NSD1: variants seen among roughly 807,000 people sequenced by gnomAD.
The protein encoded by NSD1 is nuclear receptor binding SET domain protein 1.
A neutral mutation model predicts 242.7 loss-of-function variants in NSD1; 26 were observed. The ratio of observed to expected loss-of-function variants is 0.11; its 90% confidence interval spans 0.08 to 0.15. The LOEUF is 0.15. NSD1 is among the 10% of genes least tolerant of loss of function. The pLI, the probability that NSD1 is intolerant of heterozygous loss-of-function variation, is 1.00. For synonymous variants in NSD1, 1,106 were observed against 1,178.1 expected, an observed-to-expected ratio of 0.94 and a Z score of 1.25; for missense variants, 2,495 against 3,272.8, an observed-to-expected ratio of 0.76 and a Z score of 5.80.
At position 177,135,827 on chromosome 5, in the gene NSD1, A is replaced by G. The variant is rs753643219; in HGVS notation, c.724A>G (p.Asn242Asp). Residue 242 changes from asparagine to aspartate, a missense_variant, in exon 2 of 23, where the codon AAT becomes GAT. Asn to Asp is a conservative substitution (Grantham distance 23). This residue lies in a region of NSD1 where 376 missense variants were observed against 367.4 expected (regional missense o/e 1.02). Transcript: ENST00000439151. ...TGAAACACAGAAAAATAAGCAAAGA[A>G]ATGAAGTGGACGGCAGCAATGAAAA... The part of the protein sequence containing the change: ...QTETQKNKQR[N>D]EVDGSNEKAA... The G allele has an allele frequency of 1.2e-6, 2 of 1,607,612 alleles. No homozygotes were observed. The highest frequency in any genetic ancestry group is 1.1e-5 in the South Asian group (1 of 90,650).
chr5:177,249,568 G>GCCATTCTCCTGCCTCAGCCTC (rs201214714), intron 11 of NSD1, among the ~76,000 whole-genome samples: 3 of 152,050 alleles, frequency 2.0e-5, no homozygotes, highest in Non-Finnish European at 4.4e-5. Context: ...CTGGGTTCAC[G>GCCATTCTCCTGCCTCAGCCTC]CCATTCTCCT....
chr5:177,236,706 A>G (rs1439504963), intron 6 of NSD1, among the ~76,000 whole-genome samples: 1 of 152,268 alleles, frequency 6.6e-6, no homozygotes, highest in Non-Finnish European at 1.5e-5. Flanking sequence ...CAAATGGAAG[A>G]TAGAACCTAT....
rs922476620 is a variant in NSD1 at position 177,299,080 on chromosome 5, CAGTT to C, written c.*3626_*3629del. 1.7e-5 allele frequency: 4 copies of C among 233,014 alleles called. No individual in the cohort carries two copies. Among genetic ancestry groups the C allele is most frequent in the East Asian group, 6.0e-5 (1 of 16,590 alleles). 14.4% of individuals were successfully genotyped at this position (233,014 alleles called of 1,614,324 possible). A position where few individuals can be genotyped will look rare whatever the true frequency, so the allele number is the denominator to read the frequency against. ...GTGGGAGCCTGTCATTGGCTATGGC[CAGTT>C]AGTTCTCAGCTGAGCTTCCTAGGGC... On this transcript the variant is annotated 3_prime_UTR_variant, in exon 23 of 23. Transcript: ENST00000439151.
Position 177,191,907 on chromosome 5 carries a change from G to T in NSD1, c.951G>T (p.Thr317=). 6.2e-7 allele frequency: 1 copy of T among 1,614,016 alleles called. No individual in the cohort carries two copies. Among genetic ancestry groups the T allele is most frequent in the Non-Finnish European group, 8.5e-7 (1 of 1,179,968 alleles). Residue 317 remains threonine (T), a synonymous_variant, in exon 3 of 23, where the codon ACG becomes ACT. Transcript: ENST00000439151. ...LPFCQPKKKS[T]PLKYEVGDLI... is the part of the protein sequence containing the mutation. ...AGTGTCAACCTAAGAAAAAGTCTACGCCACTGAAGTATGAAGTTGGAGATC... is the reference window on the plus strand; with the variant it reads ...AGTGTCAACCTAAGAAAAAGTCTACTCCACTGAAGTATGAAGTTGGAGATC...
intron 2 of NSD1, among the ~76,000 whole-genome samples, chr5:177,182,913 C>T (rs1001665626): frequency 4.6e-5 from 7 of 152,178 alleles, no homozygotes; most frequent in African/African-American, 7.2e-5. Flanking sequence ...GCTGGCATTA[C>T]AGGCGTGAGC....
At chr5:177,290,408 A>T (rs117301677) in intron 21 of NSD1, among the ~76,000 whole-genome samples, 8 of 139,334 alleles carry the variant, frequency 5.7e-5, no homozygotes, top group South Asian at 2.3e-4. Context: ...GAGTAAATAA[A>T]TTTTTTTTTT....
At chr5:177,225,855 C>G (rs1274418095) in intron 5 of NSD1, among the ~76,000 whole-genome samples, 1 of 151,964 alleles carries the variant, frequency 6.6e-6, no homozygotes, top group African/African-American at 2.4e-5. Flanking sequence ...TCCTCCCAAC[C>G]CTGTACCTCA....
intron 12 of NSD1, among the ~76,000 whole-genome samples, chr5:177,252,783 C>T (rs1349815544): frequency 2.0e-5 from 3 of 146,996 alleles, no homozygotes; most frequent in African/African-American, 5.2e-5. Context: ...AGTGTTCTCT[C>T]GCTCTCTCTC....
upstream of NSD1, among the ~76,000 whole-genome samples, chr5:177,132,485 C>T (rs1755948114): frequency 6.6e-6 from 1 of 151,832 alleles, no homozygotes; most frequent in Non-Finnish European, 1.5e-5. This position sits in a 1 kb window ranked among gnomAD's most constrained non-coding sequence, Gnocchi z 7.5. Flanking sequence ...TAGAGGACCC[C>T]CTCCCCCGGC....
rs2149845092 is a variant in NSD1, at chr5:177,210,669, T to G, written c.2270T>G (p.Leu757Arg). ...TNDALSPKFNLSSSISSENSL... is the reference protein window; with the variant it reads ...TNDALSPKFNRSSSISSENSL... ...GATGCTCTCTCTCCAAAATTCAACC[T>G]GTCATCAAGCATATCCAGTGAGAAC... Residue 757 changes from leucine (L) to arginine (R), a missense_variant, in exon 5 of 23, where the codon CTG (leucine) becomes CGG (arginine). Leu to Arg is a moderately radical substitution (Grantham distance 102, BLOSUM62 -2). Coordinates refer to ENST00000439151, the MANE Select transcript of NSD1 (RefSeq NM_022455.5). 6.2e-7 allele frequency: 1 copy of G among 1,614,174 alleles called. No homozygotes were observed. The highest frequency in any genetic ancestry group is 2.2e-5 in the East Asian group (1 of 44,880).
At chr5:177,177,863 G>T (rs993011189) in intron 2 of NSD1, among the ~76,000 whole-genome samples, 1 of 151,896 alleles carries the variant, frequency 6.6e-6, no homozygotes, top group Admixed American at 6.6e-5. Flanking sequence ...TTAATTTTTT[G>T]CATATTCTGT....
At chr5:177,253,804 T>A (rs1017537198) in intron 12 of NSD1, among the ~76,000 whole-genome samples, 16 of 152,218 alleles carry the variant, frequency 1.1e-4, no homozygotes, top group Middle Eastern at 3.4e-3. Context: ...GCTAATTTTT[T>A]AAAATATTTT....
At chr5:177,274,664 T>A (rs1026161767) in intron 17 of NSD1, among the ~76,000 whole-genome samples, 2 of 152,042 alleles carry the variant, frequency 1.3e-5, no homozygotes, top group African/African-American at 4.8e-5. Flanking sequence ...TTCTTTTTTG[T>A]TCTTAGAAAT....
chr5:177,158,755 G>A (rs1581160148), intron 2 of NSD1, among the ~76,000 whole-genome samples: 1 of 146,810 alleles, frequency 6.8e-6, no homozygotes, highest in South Asian at 2.2e-4. Flanking sequence ...CCAGGAAGCT[G>A]AGGCTGCAGT....
chr5:177,185,983 ATATATTT>A (rs1464490259), intron 2 of NSD1, among the ~76,000 whole-genome samples: 13 of 97,690 alleles, frequency 1.3e-4, no homozygotes, highest in Non-Finnish European at 1.9e-4. Flanking sequence ...ATTATATATT[ATATATTT>A]TATATTATAT....
chr5:177,161,073 T>A (rs1278011283), intron 2 of NSD1, among the ~76,000 whole-genome samples: 1 of 152,000 alleles, frequency 6.6e-6, no homozygotes, highest in African/African-American at 2.4e-5. Flanking sequence ...CCAAAGCTGC[T>A]GCTTTGGGAG....
chr5:177,209,149 A>AAT (rs2149841691), intron 4 of NSD1, among the ~76,000 whole-genome samples: 1 of 152,252 alleles, frequency 6.6e-6, no homozygotes, highest in East Asian at 1.9e-4. Context: ...AAGCTCCATT[A>AAT]GGGTGATTCA....
At chr5:177,291,671 TTAAC>T (rs1456140278) in intron 21 of NSD1, among the ~76,000 whole-genome samples, 1 of 152,084 alleles carries the variant, frequency 6.6e-6, no homozygotes, top group Non-Finnish European at 1.5e-5. Context: ...AATAAATTAA[TTAAC>T]TAATAAAACT....
chr5:177,238,133 A>G lies in NSD1; in HGVS notation c.3922-104A>G, dbSNP rs1443667987. ...TCTTCAAGGTTCATCCACTTTTTGT[A>G]GCCTTTGTCAGAATTTCATTCCTTT... is the stretch of plus-strand genomic sequence containing the variant. On this transcript the variant is annotated intron_variant, in intron 6 of 22. Transcript: ENST00000439151. The surrounding 1 kb of genome is among the most constrained non-coding windows in gnomAD (Gnocchi z 4.6). 1 of 1,302,210 alleles carries G rather than the reference A, an allele frequency of 7.7e-7. No individual in the cohort carries two copies. Among genetic ancestry groups the G allele is most frequent in the Non-Finnish European group, 1.1e-6 (1 of 900,562 alleles). 80.7% of individuals were successfully genotyped at this position (1,302,210 alleles called of 1,614,324 possible). A position where few individuals can be genotyped will look rare whatever the true frequency, so the allele number is the denominator to read the frequency against.
Sources: allele counts gnomAD v4.1 joint callset (sites outside exome capture counted in the v4.1 genomes callset), GRCh38; gene constraint gnomAD v4.1.1; regional missense constraint gnomAD v4.1.1; non-coding constraint Gnocchi (gnomAD v3.1); transcripts MANE v1.5; gene names NCBI Gene and HGNC (gene_info 2026-07-23, HGNC 2026-07-21).